The following MYCBPAP variants were observed in gnomAD, a reference collection of about 807,000 sequenced individuals.
The protein encoded by MYCBPAP is MYCBP-associated protein.
In MYCBPAP, 60 loss-of-function variants were observed where a neutral mutation model predicts 106.1. That is an observed-to-expected ratio of 0.57 (90% CI 0.46 to 0.70). The LOEUF (loss-of-function observed/expected upper bound fraction) is 0.70, where lower values mean the gene tolerates loss of function less well. Among genes scored for constraint, MYCBPAP ranks in the 30% least tolerant of loss-of-function variants. The probability of loss-of-function intolerance (pLI) is 0.00; values close to 1 mark genes in which losing one functional copy is unlikely to be tolerated. For synonymous variants in MYCBPAP, 407 were observed against 440.6 expected, an observed-to-expected ratio of 0.92 and a Z score of 0.95; for missense variants, 1,064 against 1,169.3, an observed-to-expected ratio of 0.91 and a Z score of 1.31.
chr17:50,529,818 A>AACT, intron 18 of MYCBPAP: 1 of 456,678 alleles, frequency 2.2e-6, no homozygotes, highest in Non-Finnish European at 4.4e-6. Flanking sequence ...GTGCATTCCC[A>AACT]TCAACTGTAA....
intron 7 of MYCBPAP, among the ~76,000 whole-genome samples, chr17:50,520,496 A>C (rs2034217575): frequency 6.9e-6 from 1 of 143,902 alleles, no homozygotes; most frequent in Non-Finnish European, 1.5e-5. Context: ...CAAGAGCAAA[A>C]CTCTGTCTTA....
chr17:50,510,499 G>GTATGTATATATATATA, intron 1 of MYCBPAP: 1 of 76,428 alleles, frequency 1.3e-5, no homozygotes, highest in Non-Finnish European at 2.6e-5. Context: ...GTGTGTGTGT[G>GTATGTATATATATATA]TATATATATA....
chr17:50,517,905 G>T (rs761845393), intron 4 of MYCBPAP, among the ~76,000 whole-genome samples: 6 of 152,220 alleles, frequency 3.9e-5, no homozygotes, highest in Non-Finnish European at 8.8e-5. Context: ...TTACTGTAAG[G>T]ATTCCAGAGA....
intron 1 of MYCBPAP, 193 bp downstream of exon 1, chr17:50,508,943 C>T (rs2033719769): frequency 5.6e-6 from 4 of 711,466 alleles, no homozygotes; most frequent in Non-Finnish European, 7.7e-6. Flanking sequence ...GCGCACTGGG[C>T]CTTGGGGATG....
Position 50,528,160 on chromosome 17 carries a change from A to G in MYCBPAP, c.2297A>G (p.Gln766Arg), listed in dbSNP as rs754821036. 1.7e-5 allele frequency: 28 copies of G among 1,613,946 alleles called. 1 individual carries two copies. The Admixed American group carries it at 4.5e-4, about 26-fold the overall frequency. Residue 766 changes from glutamine (Q) to arginine (R), a missense_variant, in exon 16 of 19, where the codon CAG becomes CGG. Transcript: ENST00000323776. ...CACTGTGTCTTGCCCTCTAGTTTGC[A>G]GCTGTGGCGAGATGTGATTGACAGC... ...QSNLLHQMCL[Q>R]LWRDVIDSLV...
chr17:50,528,403 C>T, intron 16 of MYCBPAP, 133 bp downstream of exon 16: 3 of 850,150 alleles, frequency 3.5e-6, no homozygotes, highest in Non-Finnish European at 5.5e-6. Context: ...GAGTAGGCCC[C>T]TTACCCCTTT....
At position 50,508,449 on chromosome 17, in the gene MYCBPAP, A is replaced by AG. The variant is rs1361740931; in HGVS notation, c.-222dup. Reference sequence around the variant, plus strand: ...ACAGGCCGGGCCCGCAGGGCTTTCTAGGGGTCCGTCGCTCTTGAAGCCGCC... The same window carrying AG: ...ACAGGCCGGGCCCGCAGGGCTTTCTAGGGGGTCCGTCGCTCTTGAAGCCGCC... On this transcript the variant is annotated 5_prime_UTR_variant, in exon 1 of 19. Transcript: ENST00000323776. 26 of 1,202,544 alleles carry AG rather than the reference A, an allele frequency of 2.2e-5. No individual in the cohort carries two copies. The Admixed American group carries it at 7.7e-4, about 35-fold the overall frequency. 74.5% of individuals were successfully genotyped at this position (1,202,544 alleles called of 1,614,324 possible).
At chr17:50,521,089 G>A (rs549088665) in intron 7 of MYCBPAP, 21 bp from the exon 8 acceptor site, 1 of 1,595,098 alleles carries the variant, frequency 6.3e-7, no homozygotes, top group East Asian at 2.2e-5. Context: ...CTGTGCTGAG[G>A]GTCCTTGGAC....
intron 1 of MYCBPAP, 59 bp from the exon 2 acceptor site, chr17:50,516,511 A>G: frequency 1.3e-6 from 2 of 1,566,912 alleles, no homozygotes; most frequent in Non-Finnish European, 1.7e-6. Context: ...TTGTATGTAT[A>G]TATTGATATA....
At chr17:50,518,791 C>T (rs2034148509) in intron 5 of MYCBPAP, 67 bp downstream of exon 5, 1 of 1,547,228 alleles carries the variant, frequency 6.5e-7, no homozygotes, top group Non-Finnish European at 8.7e-7. Flanking sequence ...GGGTTGTTTG[C>T]TCTCCTCCAG....
intron 1 of MYCBPAP, chr17:50,509,371 C>T (rs974042217): frequency 7.6e-6 from 4 of 525,790 alleles, no homozygotes; most frequent in African/African-American, 3.8e-5. Flanking sequence ...ATGACTGCTT[C>T]CTACCCTCTA....
In MYCBPAP at chr17:50,526,271, C is replaced by T. The variant is rs765280666; in HGVS notation, c.2169+4C>T. 1.3e-6 allele frequency: 2 copies of T among 1,589,326 alleles called. No individual in the cohort carries two copies. Among genetic ancestry groups the T allele is most frequent in the Non-Finnish European group, 1.7e-6 (2 of 1,171,898 alleles). On this transcript the variant is annotated splice_donor_region_variant and intron_variant, in intron 14 of 18. Coordinates refer to ENST00000323776, the MANE Select transcript of MYCBPAP (RefSeq NM_032133.6). ...CTGCTTGGAGGACTTCAGAAAGGTG[C>T]TTCCAAGACCCTGGAAGGCAATGGT...
chr17:50,508,959 A>G (rs2033720100), intron 1 of MYCBPAP: 1 of 706,186 alleles, frequency 1.4e-6, no homozygotes, highest in African/African-American at 1.7e-5. Flanking sequence ...GGATGGGGAC[A>G]TAGGAAGTGG....
chr17:50,529,113 T>G lies in MYCBPAP; in HGVS notation c.2649T>G (p.Pro883=). The part of the protein sequence containing the change: ...QDRFSLEDPT[P]DIILSSQEPI... Reference sequence around the variant, plus strand: ...GGTTTTCTTTGGAAGACCCTACCCCTGACATCATCCTCTCTTCTCAAGAAC... The same window carrying G: ...GGTTTTCTTTGGAAGACCCTACCCCGGACATCATCCTCTCTTCTCAAGAAC... Residue 883 remains proline (P), a synonymous_variant, in exon 18 of 19, where the codon CCT becomes CCG. Coordinates refer to ENST00000323776, the MANE Select transcript of MYCBPAP (RefSeq NM_032133.6). 1 of 1,614,086 alleles carries G rather than the reference T, an allele frequency of 6.2e-7. No homozygotes were observed. The highest frequency in any genetic ancestry group is 1.7e-4 in the Middle Eastern group (1 of 5,978).
chr17:50,525,040 G>C lies in MYCBPAP; in HGVS notation c.1782+17G>C. 6.2e-7 allele frequency: 1 copy of C among 1,605,732 alleles called. No individual in the cohort carries two copies. On this transcript the variant is annotated intron_variant, in intron 13 of 18. Transcript: ENST00000323776. ...AATCCTCCGGTGAGGCCCAGCGCCA[G>C]CCCCTGCCCCCTCATGTGTGCCCTG... is the stretch of plus-strand genomic sequence containing the variant.
At chr17:50,530,895 T>C (rs1326199871) in intron 18 of MYCBPAP, among the ~76,000 whole-genome samples, 2 of 148,464 alleles carry the variant, frequency 1.3e-5, no homozygotes, top group African/African-American at 5.0e-5. Flanking sequence ...CTCCCCAGAC[T>C]GGTTTGAAAA....
Position 50,517,355 on chromosome 17 carries a change from C to T in MYCBPAP, c.267C>T (p.Ile89=). ...DKRVITQKFI[I]RKLKPMDPRR... ...GTGTCATCACCCAGAAATTTATCAT[C>T]CGTAAACTCAAACCCATGGATCCTA... Residue 89 remains isoleucine, a synonymous_variant, in exon 3 of 19, where the codon ATC becomes ATT. Transcript: ENST00000323776. The T allele has an allele frequency of 6.2e-7, 1 of 1,614,204 alleles. No homozygotes were observed. The highest frequency in any genetic ancestry group is 8.5e-7 in the Non-Finnish European group (1 of 1,180,032).
chr17:50,519,492 T>C (rs2034178388), intron 6 of MYCBPAP, 148 bp from the exon 7 acceptor site: 1 of 954,346 alleles, frequency 1.0e-6, no homozygotes, highest in African/African-American at 1.7e-5. Context: ...AACACGGCAG[T>C]GGATGCTTCT....
chr17:50,508,460 G>A lies in MYCBPAP; in HGVS notation c.-215G>A. On this transcript the variant is annotated 5_prime_UTR_variant, in exon 1 of 19. Coordinates refer to ENST00000323776, the MANE Select transcript of MYCBPAP (RefSeq NM_032133.6). ...CCGCAGGGCTTTCTAGGGGTCCGTC[G>A]CTCTTGAAGCCGCCGGCGGCGGGCG... The A allele has an allele frequency of 7.4e-7, 1 of 1,350,320 alleles. No homozygotes were observed. Among genetic ancestry groups the A allele is most frequent in the South Asian group, 1.4e-5 (1 of 73,940 alleles). The allele number at this position is 1,350,320 out of a possible 1,614,324, so 83.6% of individuals were successfully genotyped here.
Sources: gnomAD v4.1 joint callset for allele counts (sites outside exome capture counted in the v4.1 genomes callset) on GRCh38, gnomAD v4.1.1 for gene constraint, MANE v1.5 for transcripts, NCBI Gene and HGNC (gene_info 2026-07-23, HGNC 2026-07-21) for gene names.